The following STPG2 variants were observed in gnomAD, a reference collection of about 807,000 sequenced individuals.
STPG2 encodes the protein sperm tail PG-rich repeat containing 2, also known as sperm-tail PG-rich repeat-containing protein 2.
A neutral mutation model predicts 54.2 loss-of-function variants in STPG2; 56 were observed. The observed-to-expected ratio is 1.03, with a 90% CI of 0.83 to 1.29. The LOEUF (loss-of-function observed/expected upper bound fraction) is 1.29, where lower values mean the gene tolerates loss of function less well. STPG2 is among the 50% of genes most tolerant of loss of function. STPG2 has a pLI of 0.00. For synonymous variants in STPG2, 200 were observed against 181.8 expected (o/e 1.10, Z -0.81); for missense variants, 596 against 544.9 (o/e 1.09, Z -0.93).
At chr4:97,628,704 C>T (rs569681162) in intron 10 of STPG2, among the ~76,000 whole-genome samples, 25 of 152,132 alleles carry the variant, frequency 1.6e-4, no homozygotes, top group African/African-American at 4.6e-4. Context: ...ACACAAACAT[C>T]GCTATTTTTA....
chr4:97,963,057 G>A (rs1332300679), intron 7 of STPG2, among the ~76,000 whole-genome samples: 1 of 152,156 alleles, frequency 6.6e-6, no homozygotes, highest in Non-Finnish European at 1.5e-5. Flanking sequence ...TACTCAGGAG[G>A]CTGAGGAAGG....
At chr4:98,012,829 A>G (rs1326485483) in intron 5 of STPG2, among the ~76,000 whole-genome samples, 2 of 152,222 alleles carry the variant, frequency 1.3e-5, no homozygotes, top group Non-Finnish European at 2.9e-5. Flanking sequence ...GAGGTTGCTT[A>G]TCAGCTTAAG....
chr4:97,695,800 G>A (rs1723551308), intron 10 of STPG2, among the ~76,000 whole-genome samples: 2 of 149,140 alleles, frequency 1.3e-5, no homozygotes, highest in Non-Finnish European at 3.0e-5. Context: ...ACCAAACCAA[G>A]GAAGTGAAAG....
At chr4:98,051,749 G>A (rs1228497336) in intron 5 of STPG2, among the ~76,000 whole-genome samples, 2 of 151,904 alleles carry the variant, frequency 1.3e-5, no homozygotes, top group Non-Finnish European at 1.5e-5. Flanking sequence ...TCAAGCAGAA[G>A]AAGAGAGGAC....
At chr4:97,803,087 A>T (rs1443165585) in intron 9 of STPG2, among the ~76,000 whole-genome samples, 1 of 152,114 alleles carries the variant, frequency 6.6e-6, no homozygotes, top group Non-Finnish European at 1.5e-5. Context: ...TTATTGGAAA[A>T]TATACCTTCA....
chr4:97,824,608 C>A (rs986229743), intron 9 of STPG2, among the ~76,000 whole-genome samples: 1 of 152,134 alleles, frequency 6.6e-6, no homozygotes, highest in Non-Finnish European at 1.5e-5. Flanking sequence ...TCCTTGGGAG[C>A]TTGACCTTGT....
At chr4:97,899,972 C>G (rs1007537703) in intron 8 of STPG2, among the ~76,000 whole-genome samples, 29 of 148,848 alleles carry the variant, frequency 1.9e-4, no homozygotes, top group Admixed American at 1.7e-3. Context: ...AAACTATCAA[C>G]AGAGTGAACA....
chr4:97,537,815 TC>T (rs1383593678), intron 4 of STPG2, among the ~76,000 whole-genome samples: 1 of 152,128 alleles, frequency 6.6e-6, no homozygotes, highest in Non-Finnish European at 1.5e-5. Flanking sequence ...GACTGACACC[TC>T]ACATGGCCAG....
intron 5 of STPG2, among the ~76,000 whole-genome samples, chr4:98,099,657 A>G (rs1335370997): frequency 1.3e-5 from 2 of 152,224 alleles, no homozygotes; most frequent in African/African-American, 2.4e-5. Context: ...ATATGCACTT[A>G]AGGGGATGGA....
intron 9 of STPG2, among the ~76,000 whole-genome samples, chr4:97,742,561 G>GTATATATATATA (rs1343257333): frequency 8.0e-6 from 1 of 125,526 alleles, no homozygotes; most frequent in African/African-American, 3.2e-5. Context: ...GTGTGTGTGT[G>GTATATATATATA]TGTGTCTATA....
chr4:97,743,523 T>C (rs1725331141), intron 9 of STPG2, among the ~76,000 whole-genome samples: 1 of 151,862 alleles, frequency 6.6e-6, no homozygotes, highest in East Asian at 1.9e-4. Context: ...CTGTCAATAG[T>C]TGATCTTTCA....
At chr4:97,910,961 G>T (rs555548307) in intron 8 of STPG2, among the ~76,000 whole-genome samples, 1 of 152,116 alleles carries the variant, frequency 6.6e-6, no homozygotes, top group Non-Finnish European at 1.5e-5. Flanking sequence ...CCAGGTTCTC[G>T]TTTGGTACTG....
At chr4:97,531,673 A>G (rs1731417389) in intron 4 of STPG2, among the ~76,000 whole-genome samples, 1 of 152,186 alleles carries the variant, frequency 6.6e-6, no homozygotes, top group Non-Finnish European at 1.5e-5. Flanking sequence ...AATTGAACAC[A>G]TGGAGAAAGA....
chr4:97,601,204 T>C (rs1219963307), intron 10 of STPG2, among the ~76,000 whole-genome samples: 4 of 152,094 alleles, frequency 2.6e-5, no homozygotes, highest in Non-Finnish European at 4.4e-5. Flanking sequence ...TACCAGGACA[T>C]TGGCAGGTTC....
At chr4:97,967,472 A>T (rs1734148753) in intron 7 of STPG2, among the ~76,000 whole-genome samples, 1 of 152,174 alleles carries the variant, frequency 6.6e-6, no homozygotes, top group Non-Finnish European at 1.5e-5. Context: ...TAACAAGGAT[A>T]TCCAGGACTT....
intron 4 of STPG2, among the ~76,000 whole-genome samples, chr4:97,532,897 T>C (rs1419147963): frequency 1.3e-5 from 2 of 152,154 alleles, no homozygotes; most frequent in Non-Finnish European, 2.9e-5. Flanking sequence ...TTCTTTTTTC[T>C]TTTGAGATGG....
At chr4:97,621,964 G>C (rs1239306601) in intron 10 of STPG2, among the ~76,000 whole-genome samples, 1 of 152,126 alleles carries the variant, frequency 6.6e-6, no homozygotes, top group Non-Finnish European at 1.5e-5. Flanking sequence ...ATGCAAATTT[G>C]GTTCAGCACA....
chr4:97,505,173 T>A (rs1190657164), intron 4 of STPG2, among the ~76,000 whole-genome samples: 1 of 151,994 alleles, frequency 6.6e-6, no homozygotes, highest in Admixed American at 6.6e-5. Flanking sequence ...CTAAGATATG[T>A]GAAGGAGCTA....
At chr4:97,821,869 C>T (rs7657354) in intron 9 of STPG2, among the ~76,000 whole-genome samples, 30,145 of 152,174 alleles carry the variant, frequency 0.2, 3,665 homozygotes, top group South Asian at 0.27. Flanking sequence ...AGGCCTGGTC[C>T]CCCAAGTCAT....
Sources: gnomAD v4.1 joint callset for allele counts (sites outside exome capture counted in the v4.1 genomes callset) on GRCh38, gnomAD v4.1.1 for gene constraint, MANE v1.5 for transcripts, NCBI Gene and HGNC (gene_info 2026-07-23, HGNC 2026-07-21) for gene names.